The following CALN1 variants were observed in gnomAD, a reference collection of about 807,000 sequenced individuals.
CALN1 encodes calneuron 1, also known as calcium-binding protein 8.
In CALN1, 17 loss-of-function variants were observed where a neutral mutation model predicts 30.6. That is an observed-to-expected ratio of 0.56 (90% CI 0.38 to 0.83). The LOEUF (loss-of-function observed/expected upper bound fraction) is 0.83. CALN1 is among the 40% of genes least tolerant of loss of function. The probability of loss-of-function intolerance (pLI) is 0.00; values close to 1 mark genes in which losing one functional copy is unlikely to be tolerated. For missense variants in CALN1, 291 were observed against 354.9 expected, an observed-to-expected ratio of 0.82 and a Z score of 1.45; for synonymous variants, 156 against 131.4, an observed-to-expected ratio of 1.19 and a Z score of -1.28.
intron 5 of CALN1, among the ~76,000 whole-genome samples, chr7:71,933,380 G>A (rs577552610): frequency 5.3e-5 from 8 of 152,246 alleles, no homozygotes; most frequent in African/African-American, 1.2e-4. Flanking sequence ...GGTGAACGCC[G>A]CCGCCGGCTG....
At chr7:72,359,528 G>GTA (rs1803433617) in intron 2 of CALN1, among the ~76,000 whole-genome samples, 1 of 152,110 alleles carries the variant, frequency 6.6e-6, no homozygotes, top group Non-Finnish European at 1.5e-5. Context: ...ATATAGTGAG[G>GTA]TATAGGATAT....
chr7:71,830,338 C>G (rs535491998), intron 5 of CALN1, among the ~76,000 whole-genome samples: 2 of 150,584 alleles, frequency 1.3e-5, no homozygotes, highest in Admixed American at 6.6e-5. Flanking sequence ...CCACCGTGTC[C>G]GGCCATCAGT....
chr7:71,890,998 C>T lies in CALN1; in HGVS notation c.502-80506G>A, dbSNP rs559005104. On this transcript the variant is annotated intron_variant, in intron 5 of 6. Coordinates refer to ENST00000395275, the MANE Select transcript of CALN1 (RefSeq NM_031468.4). ...CTGGGCTCAAGCAATCCACCCACCT[C>T]AGCCTCCCAAAGTGCTGGGATTACA... 5.9e-5 allele frequency among the ~76,000 whole-genome samples: 9 copies of T among 152,242 alleles called. No homozygotes were observed. The South Asian group carries it at 1.7e-3, about 28-fold the overall frequency.
chr7:72,334,705 G>C (rs1801896139), intron 2 of CALN1, among the ~76,000 whole-genome samples: 1 of 152,216 alleles, frequency 6.6e-6, no homozygotes, highest in South Asian at 2.1e-4. Flanking sequence ...GTGACATCTT[G>C]GTGAACAATT....
At chr7:71,987,083 G>A (rs559433406) in intron 5 of CALN1, among the ~76,000 whole-genome samples, 49 of 151,486 alleles carry the variant, frequency 3.2e-4, no homozygotes, top group African/African-American at 1.1e-3. Flanking sequence ...CCGAGATCCC[G>A]CTACTGCACT....
In CALN1 at chr7:72,357,103, A is replaced by G. The variant is rs546167736; in HGVS notation, c.119+46148T>C. On this transcript the variant is annotated intron_variant, in intron 2 of 6. Coordinates refer to ENST00000395275, the MANE Select transcript of CALN1 (RefSeq NM_031468.4). Reference sequence around the variant, plus strand: ...GGAACTAATGATTAAAATGAAAACCAAACTGAAACTTAGAGACAGCCTTAA... The same window carrying G: ...GGAACTAATGATTAAAATGAAAACCGAACTGAAACTTAGAGACAGCCTTAA... Among the ~76,000 whole-genome samples, 57 of 152,172 alleles carry G rather than the reference A, an allele frequency of 3.7e-4. 2 individuals carry two copies. Among genetic ancestry groups the G allele is most frequent in the African/African-American group, 1.3e-3 (54 of 41,398 alleles).
intron 3 of CALN1, among the ~76,000 whole-genome samples, chr7:72,276,177 C>T (rs1215068321): frequency 6.6e-6 from 1 of 152,144 alleles, no homozygotes; most frequent in Non-Finnish European, 1.5e-5. Context: ...CTCAGTGGGT[C>T]CTGCACGCAT....
the CALN1 span, among the ~76,000 whole-genome samples, chr7:72,474,831 G>A: frequency 6.6e-6 from 1 of 152,164 alleles, no homozygotes; most frequent in African/African-American, 2.4e-5. Context: ...CCCAGCACGT[G>A]GGGCTGTGCA....
At chr7:72,425,254 C>T (rs1366074039) in intron 1 of CALN1, among the ~76,000 whole-genome samples, 1 of 152,216 alleles carries the variant, frequency 6.6e-6, no homozygotes, top group Non-Finnish European at 1.5e-5. Context: ...CCTAGGATTA[C>T]AGGCACGTGC....
chr7:72,253,692 G>C (rs949105471), intron 3 of CALN1, among the ~76,000 whole-genome samples: 2 of 152,108 alleles, frequency 1.3e-5, no homozygotes, highest in African/African-American at 2.4e-5. Context: ...GGACATGTGG[G>C]GATTACAATT....
intron 5 of CALN1, among the ~76,000 whole-genome samples, chr7:71,825,890 G>A (rs911395139): frequency 1.8e-4 from 28 of 151,584 alleles, no homozygotes; most frequent in South Asian, 1.0e-3. Context: ...AAAATTAGCC[G>A]GGCGTGGTGG....
intron 6 of CALN1, among the ~76,000 whole-genome samples, chr7:71,801,506 G>A (rs184580115): frequency 3.7e-4 from 56 of 151,564 alleles, no homozygotes; most frequent in African/African-American, 1.4e-3. Context: ...CCAGGTTGCA[G>A]GTTAAAATTC....
chr7:72,019,342 G>A (rs890450941), intron 5 of CALN1, among the ~76,000 whole-genome samples: 2 of 152,080 alleles, frequency 1.3e-5, no homozygotes, highest in South Asian at 4.1e-4. Context: ...TACCCTTTAT[G>A]GTAGCTAGCC....
At chr7:72,442,492 T>G (rs1808378911) in intron 1 of CALN1, among the ~76,000 whole-genome samples, 1 of 152,146 alleles carries the variant, frequency 6.6e-6, no homozygotes, top group East Asian at 1.9e-4. Context: ...TGCACTTTAT[T>G]AAAGATTGCA....
intron 2 of CALN1, among the ~76,000 whole-genome samples, chr7:72,285,227 T>A (rs975155724): frequency 6.6e-6 from 1 of 152,170 alleles, no homozygotes; most frequent in African/African-American, 2.4e-5. Flanking sequence ...CTGGTAATTC[T>A]TTCTTACTGG....
chr7:72,458,257 T>A, the CALN1 span, among the ~76,000 whole-genome samples: 55 of 85,500 alleles, frequency 6.4e-4, 6 homozygotes, highest in Non-Finnish European at 9.6e-4. Context: ...ATATATTTTA[T>A]AATATATTCT....
intron 5 of CALN1, among the ~76,000 whole-genome samples, chr7:71,934,563 CT>C (rs968355751): frequency 5.9e-5 from 9 of 152,242 alleles, no homozygotes; most frequent in African/African-American, 2.2e-4. Context: ...ATGCCAGGCT[CT>C]TTTTAAGCAA....
chr7:72,040,815 G>A (rs911692464), intron 4 of CALN1, among the ~76,000 whole-genome samples: 5 of 152,126 alleles, frequency 3.3e-5, no homozygotes. Flanking sequence ...GTGCAAGACA[G>A]GAAGAGAGGC....
chr7:72,191,977 T>C (rs1447734713), intron 3 of CALN1, among the ~76,000 whole-genome samples: 1 of 152,124 alleles, frequency 6.6e-6, no homozygotes, highest in East Asian at 1.9e-4. Context: ...CGATGGCGAT[T>C]ACCTTTAACG....
Sources: allele counts gnomAD v4.1 joint callset (sites outside exome capture counted in the v4.1 genomes callset), GRCh38; gene constraint gnomAD v4.1.1; transcripts MANE v1.5; gene names NCBI Gene and HGNC (gene_info 2026-07-23, HGNC 2026-07-21).